The following SH2B1 variants were observed in gnomAD, a reference collection of about 807,000 sequenced individuals.
SH2B1 encodes the protein SH2B adapter protein 1.
In SH2B1, 15 loss-of-function variants were observed where a neutral mutation model predicts 62.6. The ratio of observed to expected loss-of-function variants is 0.24; its 90% CI spans 0.16 to 0.37. SH2B1 has a LOEUF of 0.37. Among genes scored for constraint, SH2B1 ranks in the 10% least tolerant of loss-of-function variants. The pLI is 1.00. For missense variants in SH2B1, 925 were observed against 1,015.6 expected, an observed-to-expected ratio of 0.91 and a Z score of 1.21; for synonymous variants, 443 against 438.0, an observed-to-expected ratio of 1.01 and a Z score of -0.14.
chr16:28,870,229 G>A (rs536346859), intron 4 of SH2B1, among the ~76,000 whole-genome samples: 2 of 152,342 alleles, frequency 1.3e-5, no homozygotes, highest in South Asian at 4.1e-4. Context: ...CCCGGGCCAG[G>A]ATGGGGTAGC....
chr16:28,865,364 C>T lies in SH2B1; in HGVS notation c.-731C>T. On this transcript the variant is annotated 5_prime_UTR_variant, in exon 1 of 8. Transcript: ENST00000684370. ...TTACTGTTTTGGTCCATCATGCATC[C>T]ATCCTCATTAATGAATCGGCCCCCT... is the stretch of plus-strand genomic sequence containing the variant. The T allele has an allele frequency of 3.0e-6, 3 of 985,696 alleles. No homozygotes were observed. The highest frequency in any genetic ancestry group is 9.4e-5 in the South Asian group (2 of 21,290). The allele number at this position is 985,696 out of a possible 1,614,324, so 61.1% of individuals were successfully genotyped here.
chr16:28,852,929 T>TATATATGTAC lies in SH2B1; in HGVS notation c.-301+6108_-301+6109insGTACATATAT, dbSNP rs1567459424. 1.2e-4 allele frequency among the ~76,000 whole-genome samples: 7 copies of TATATATGTAC among 59,762 alleles called. 1 individual carries two copies. Among genetic ancestry groups the TATATATGTAC allele is most frequent in the Admixed American group, 2.8e-4 (1 of 3,514 alleles). 39.2% of individuals were successfully genotyped at this position (59,762 alleles called of 152,430 possible). A position where few individuals can be genotyped will look rare whatever the true frequency, so the allele number is the denominator to read the frequency against. On this transcript the variant is annotated intron_variant, in intron 1 of 10. Transcript: ENST00000322610. ...ATATACATGTACATATATATATTTT[T>TATATATGTAC]ATATATATGTACATATATATTTTAT...
chr16:28,871,880 A>G lies in SH2B1; in HGVS notation c.1410A>G (p.Pro470=), dbSNP rs747661965. The change falls in exon 5 of 8, where the codon CCA becomes CCG. Residue 470 remains proline, a synonymous_variant. Coordinates refer to ENST00000684370, the MANE Select transcript of SH2B1 (RefSeq NM_001387430.1). ...SHFDSMELLP[P]ELPPRIPIEE... is the part of the protein sequence containing the mutation. ...TTGACTCGATGGAACTGCTTCCCCC[A>G]GAGTTGCCCCCCCGCATCCCCATTG... is the stretch of plus-strand genomic sequence containing the variant. 8.1e-7 allele frequency: 1 copy of G among 1,231,226 alleles called. No homozygotes were observed. Among genetic ancestry groups the G allele is most frequent in the Non-Finnish European group, 1.1e-6 (1 of 928,418 alleles). The allele number at this position is 1,231,226 out of a possible 1,614,324, so 76.3% of individuals were successfully genotyped here.
intron 4 of SH2B1, among the ~76,000 whole-genome samples, chr16:28,870,137 C>T (rs1408170767): frequency 2.0e-5 from 3 of 152,204 alleles, no homozygotes; most frequent in African/African-American, 4.8e-5. Context: ...CACTGCCTGC[C>T]TATGACATTT....
At chr16:28,851,092 C>T (rs1256056556) in intron 1 of SH2B1, among the ~76,000 whole-genome samples, 5 of 145,252 alleles carry the variant, frequency 3.4e-5, no homozygotes, top group Admixed American at 7.1e-5. Flanking sequence ...GAGACTCGCT[C>T]GAACCTGGGA....
rs368465822 is a variant in SH2B1, at chr16:28,868,881, C to T, written c.1042-125C>T. 63 of 767,710 alleles carry T rather than the reference C, an allele frequency of 8.2e-5. 1 individual carries two copies. The highest frequency in any genetic ancestry group is 7.9e-4 in the South Asian group (51 of 64,272). The allele number at this position is 767,710 out of a possible 1,614,324, so 47.6% of individuals were successfully genotyped here. A position where few individuals can be genotyped will look rare whatever the true frequency, so the allele number is the denominator to read the frequency against. On this transcript the variant is annotated intron_variant, in intron 2 of 7. Transcript: ENST00000684370. Reference sequence around the variant, plus strand: ...GATTACAGGTGTGAGCCTCTGTACCCGGCCTCCAGAGAGAATTCGAATGCA... The same window carrying T: ...GATTACAGGTGTGAGCCTCTGTACCTGGCCTCCAGAGAGAATTCGAATGCA...
chr16:28,871,865 G>T lies in SH2B1; in HGVS notation c.1395G>T (p.Met465Ile). The change falls in exon 5 of 8, where the codon ATG becomes ATT. Residue 465 changes from methionine to isoleucine, a missense_variant. Coordinates refer to ENST00000684370, the MANE Select transcript of SH2B1 (RefSeq NM_001387430.1). ...TTGCCGCCTCCCATTTTGACTCGAT[G>T]GAACTGCTTCCCCCAGAGTTGCCCC... ...ASIAASHFDS[M>I]ELLPPELPPR... 1.2e-6 allele frequency: 2 copies of T among 1,610,314 alleles called. No homozygotes were observed. The highest frequency in any genetic ancestry group is 1.7e-6 in the Non-Finnish European group (2 of 1,176,702).
chr16:28,872,170 T>G lies in SH2B1; in HGVS notation c.1514-20T>G. 1 of 1,604,332 alleles carries G rather than the reference T, an allele frequency of 6.2e-7. No individual in the cohort carries two copies. On this transcript the variant is annotated intron_variant, in intron 5 of 7. Transcript: ENST00000684370. This position sits in a 1 kb window ranked among gnomAD's most constrained non-coding sequence, Gnocchi z 5.3. ...GGCTGCCCTGACACCCCGGTTTCCC[T>G]CCCTCTCTCCTTCCTGAAGGGTCCT...
intron 1 of SH2B1, among the ~76,000 whole-genome samples, chr16:28,850,237 A>G (rs147952950): frequency 5.5e-4 from 84 of 152,338 alleles, no homozygotes; most frequent in African/African-American, 1.8e-3. Flanking sequence ...TGACCTGATA[A>G]GAAAACTGCT....
intron 1 of SH2B1, among the ~76,000 whole-genome samples, chr16:28,852,412 A>T (rs1358021803): frequency 3.4e-5 from 1 of 29,394 alleles, no homozygotes; most frequent in Non-Finnish European, 6.0e-5. Context: ...ATTTACATAT[A>T]TATTTATATA....
chr16:28,872,468 G>A lies in SH2B1; in HGVS notation c.1726-66G>A, dbSNP rs907562664. On this transcript the variant is annotated intron_variant, in intron 6 of 7. Transcript: ENST00000684370. The surrounding 1 kb of genome is among the most constrained non-coding windows in gnomAD (Gnocchi z 5.3). Reference sequence around the variant, plus strand: ...GGCAGTGGGGTGGGGGAGCACTGCCGGGGGAGGGGGTTTGTACCTGGCAGG... The same window carrying A: ...GGCAGTGGGGTGGGGGAGCACTGCCAGGGGAGGGGGTTTGTACCTGGCAGG... The A allele has an allele frequency of 1.7e-5, 27 of 1,571,140 alleles. No individual in the cohort carries two copies. The highest frequency in any genetic ancestry group is 1.7e-4 in the Middle Eastern group (1 of 5,910).
chr16:28,864,228 C>T lies in SH2B1; in HGVS notation c.-1867C>T. 1 of 1,018,214 alleles carries T rather than the reference C, an allele frequency of 9.8e-7. No homozygotes were observed. The highest frequency in any genetic ancestry group is 1.2e-6 in the Non-Finnish European group (1 of 849,918). 63.1% of individuals were successfully genotyped at this position (1,018,214 alleles called of 1,614,324 possible). On this transcript the variant is annotated 5_prime_UTR_variant, in exon 1 of 8. Transcript: ENST00000684370. ...GAGCGGAGCCTGCACCCTCCACCTC[C>T]CGCCCTTCGGGAAATATCAGAACTG...
rs757097612 is a variant in SH2B1 at position 28,866,504 on chromosome 16, T to C, written c.410T>C (p.Val137Ala). 46 of 1,613,816 alleles carry C rather than the reference T, an allele frequency of 2.9e-5. No homozygotes were observed. The highest frequency in any genetic ancestry group is 3.7e-5 in the Non-Finnish European group (44 of 1,180,006). ...CTGGCCGGCCCCCTCCCTTCCTCAG[T>C]CTCTTCCTCCTCTACAACCTCCTCC... is the stretch of plus-strand genomic sequence containing the variant. ...EDLAGPLPSS[V>A]SSSSTTSSKP... The change falls in exon 1 of 8, where the codon GTC becomes GCC. Residue 137 changes from valine to alanine, a missense_variant. Val to Ala is a moderately conservative substitution (Grantham distance 64). Around this residue, in one of 3 missense-constraint regions of SH2B1, gnomAD observed 683 missense variants for 704.0 expected, o/e 0.97. Coordinates refer to ENST00000684370, the MANE Select transcript of SH2B1 (RefSeq NM_001387430.1). The surrounding 1 kb of genome is among the most constrained non-coding windows in gnomAD (Gnocchi z 6.3).
chr16:28,863,899 C>A lies in SH2B1; in HGVS notation c.-2196C>A. The A allele has an allele frequency of 1.7e-6, 1 of 599,632 alleles. No homozygotes were observed. The highest frequency in any genetic ancestry group is 3.3e-5 in the East Asian group (1 of 30,376). The allele number at this position is 599,632 out of a possible 1,614,324, so 37.1% of individuals were successfully genotyped here. A position where few individuals can be genotyped will look rare whatever the true frequency, so the allele number is the denominator to read the frequency against. ...TGGGGGCGCAGGGAGCGGGAGCCGC[C>A]GCCGCCGCCGCCGCCGCCGGAGCTA... is the stretch of plus-strand genomic sequence containing the variant. On this transcript the variant is annotated 5_prime_UTR_variant, in exon 1 of 8. Coordinates refer to ENST00000684370, the MANE Select transcript of SH2B1 (RefSeq NM_001387430.1).
Position 28,871,781 on chromosome 16 carries a change from G to A in SH2B1, c.1311G>A (p.Gly437=). 6.2e-7 allele frequency: 1 copy of A among 1,611,746 alleles called. No individual in the cohort carries two copies. Among genetic ancestry groups the A allele is most frequent in the African/African-American group, 1.3e-5 (1 of 74,694 alleles). ...CAGCTTTGCCCTTTTTTTTTCCAGGGGCATATGGGGGCCTCTCAGACCGCC... is the reference window on the plus strand; with the variant it reads ...CAGCTTTGCCCTTTTTTTTTCCAGGAGCATATGGGGGCCTCTCAGACCGCC... ...PSESNDRLSQ[G]AYGGLSDRPS... Residue 437 remains glycine, a splice_region_variant and synonymous_variant, in exon 5 of 8, where the codon GGG becomes GGA. Coordinates refer to ENST00000684370, the MANE Select transcript of SH2B1 (RefSeq NM_001387430.1).
chr16:28,851,435 G>A (rs1218102271), intron 1 of SH2B1, among the ~76,000 whole-genome samples: 2 of 149,858 alleles, frequency 1.3e-5, no homozygotes, highest in African/African-American at 2.5e-5. Flanking sequence ...CCTGGCTTCT[G>A]TTCTCATTCC....
chr16:28,862,390 G>T (rs1483967592), upstream of SH2B1: 1 of 152,162 alleles, frequency 6.6e-6, no homozygotes, highest in Non-Finnish European at 1.5e-5. Context: ...CGACTCTGGG[G>T]TTCAAGTGAT....
chr16:28,872,847 G>A lies in SH2B1; in HGVS notation c.1897+142G>A. The A allele has an allele frequency of 1.7e-6, 2 of 1,148,502 alleles. No homozygotes were observed. The highest frequency in any genetic ancestry group is 2.6e-5 in the East Asian group (1 of 38,990). 71.1% of individuals were successfully genotyped at this position (1,148,502 alleles called of 1,614,324 possible). A position where few individuals can be genotyped will look rare whatever the true frequency, so the allele number is the denominator to read the frequency against. On this transcript the variant is annotated intron_variant, in intron 7 of 7. Coordinates refer to ENST00000684370, the MANE Select transcript of SH2B1 (RefSeq NM_001387430.1). This position sits in a 1 kb window ranked among gnomAD's most constrained non-coding sequence, Gnocchi z 5.3. ...AGAGCAGGGTAGAGGAGGCTGTTGT[G>A]CCTCGGGGTTTGGAAGGGAAAGAAA...
rs1219302282 is a variant in SH2B1 at position 28,872,978 on chromosome 16, G to A, written c.1897+273G>A. ...ATTCCATCGGATCCTCTGTTCCATTGTCTGTCTGTCTCCTGGACCCATCCT... is the reference window on the plus strand; with the variant it reads ...ATTCCATCGGATCCTCTGTTCCATTATCTGTCTGTCTCCTGGACCCATCCT... On this transcript the variant is annotated intron_variant, in intron 7 of 7. Transcript: ENST00000684370. This position sits in a 1 kb window ranked among gnomAD's most constrained non-coding sequence, Gnocchi z 5.3. 2 of 635,904 alleles carry A rather than the reference G, an allele frequency of 3.1e-6. No individual in the cohort carries two copies. The highest frequency in any genetic ancestry group is 3.7e-5 in the African/African-American group (2 of 54,556). 39.4% of individuals were successfully genotyped at this position (635,904 alleles called of 1,614,324 possible).
Sources: allele counts gnomAD v4.1 joint callset (sites outside exome capture counted in the v4.1 genomes callset), GRCh38; gene constraint gnomAD v4.1.1; regional missense constraint gnomAD v4.1.1; non-coding constraint Gnocchi (gnomAD v3.1); transcripts MANE v1.5; gene names NCBI Gene and HGNC (gene_info 2026-07-23, HGNC 2026-07-21).